ETAA1: variants seen among roughly 807,000 people sequenced by gnomAD.
ETAA1 encodes ewing's tumor-associated antigen 1.
Under a neutral mutation model 76.8 loss-of-function variants are expected in ETAA1, and 49 were observed. The observed-to-expected ratio is 0.64, with a 90% CI of 0.51 to 0.81. The LOEUF is 0.81. ETAA1 is among the 30% of genes least tolerant of loss of function. The probability of loss-of-function intolerance (pLI) is 0.00; values close to 1 mark genes in which losing one functional copy is unlikely to be tolerated. For missense variants in ETAA1, 1,099 were observed against 1,074.0 expected (o/e 1.02, Z -0.32); for synonymous variants, 373 against 372.2 (o/e 1.00, Z -0.03).
In ETAA1 at chr2:67,403,503, T is replaced by G. The variant is rs1676114387; in HGVS notation, c.821T>G (p.Phe274Cys). The G allele has an allele frequency of 9.3e-6, 15 of 1,613,360 alleles. No homozygotes were observed. The highest frequency in any genetic ancestry group is 1.3e-5 in the Non-Finnish European group (15 of 1,179,494). ...ANNQNSSQKP[F>C]DQIAEAAFNA... ...AATCAAAATAGCAGTCAGAAGCCATTTGACCAAATTGCTGAAGCAGCCTTT... is the reference window on the plus strand; with the variant it reads ...AATCAAAATAGCAGTCAGAAGCCATGTGACCAAATTGCTGAAGCAGCCTTT... Residue 274 changes from phenylalanine to cysteine, a missense_variant, in exon 5 of 6, where the codon TTT becomes TGT. Transcript: ENST00000272342.
rs751604679 is a variant in ETAA1 at position 67,405,168 on chromosome 2, C to G, written c.2486C>G (p.Ser829Cys). 4.3e-6 allele frequency: 7 copies of G among 1,612,138 alleles called. No individual in the cohort carries two copies. The African/African-American group carries it at 9.4e-5, about 22-fold the overall frequency. Residue 829 changes from serine (S) to cysteine (C), a missense_variant, in exon 5 of 6, where the codon TCT becomes TGT. By Grantham distance (112) the Ser-to-Cys change is moderately radical. Transcript: ENST00000272342. The stretch of plus-strand genomic sequence containing the variant: ...TTTACATTTACAAGGATGAAAAATT[C>G]TCAGATTCTTTCTCAGTTTAATCAA... ...SKFTFTRMKNSQILSQFNQNC... is the reference protein window; with the variant it reads ...SKFTFTRMKNCQILSQFNQNC...
chr2:67,405,208 A>C lies in ETAA1; in HGVS notation c.2526A>C (p.Gly842=). Residue 842 remains glycine, a synonymous_variant, in exon 5 of 6, where the codon GGA becomes GGC. Transcript: ENST00000272342. ...LSQFNQNCIT[G]SMSDTKITQG... ...AGTTTAATCAAAATTGTATAACTGGAAGTATGTCTGATACCAAAATTACAC... is the reference window on the plus strand; with the variant it reads ...AGTTTAATCAAAATTGTATAACTGGCAGTATGTCTGATACCAAAATTACAC... The C allele has an allele frequency of 6.2e-7, 1 of 1,612,640 alleles. No individual in the cohort carries two copies. The highest frequency in any genetic ancestry group is 1.1e-5 in the South Asian group (1 of 90,992).
At position 67,397,369 on chromosome 2, in the gene ETAA1, C is replaced by A. The variant is rs1675899952; in HGVS notation, c.-80C>A. On this transcript the variant is annotated 5_prime_UTR_variant, in exon 1 of 6. It introduces an in-frame stop codon into an upstream open reading frame of the 5' UTR. Coordinates refer to ENST00000272342, the MANE Select transcript of ETAA1 (RefSeq NM_019002.4). ...TGGCGGCTGCCGTTGGTGCGGGGTGCGGTTTGTAGTGCTGTTGCCCTACTC... is the reference window on the plus strand; with the variant it reads ...TGGCGGCTGCCGTTGGTGCGGGGTGAGGTTTGTAGTGCTGTTGCCCTACTC... 2 of 1,406,628 alleles carry A rather than the reference C, an allele frequency of 1.4e-6. No homozygotes were observed. Among genetic ancestry groups the A allele is most frequent in the Non-Finnish European group, 2.0e-6 (2 of 1,017,720 alleles). The allele number at this position is 1,406,628 out of a possible 1,614,324, so 87.1% of individuals were successfully genotyped here.
In ETAA1 at chr2:67,403,486, T is replaced by C; in HGVS notation, c.804T>C (p.Asn268=). Residue 268 remains asparagine, a synonymous_variant, in exon 5 of 6, where the codon AAT becomes AAC. Transcript: ENST00000272342. ...NTKISVANNQ[N]SSQKPFDQIA... is the part of the protein sequence containing the mutation. ...AGATATCTGTGGCAAATAATCAAAA[T>C]AGCAGTCAGAAGCCATTTGACCAAA... 6.2e-7 allele frequency: 1 copy of C among 1,613,440 alleles called. No individual in the cohort carries two copies. The highest frequency in any genetic ancestry group is 8.5e-7 in the Non-Finnish European group (1 of 1,179,466).
chr2:67,404,891 A>G lies in ETAA1; in HGVS notation c.2209A>G (p.Thr737Ala). The change falls in exon 5 of 6, where the codon ACT becomes GCT. Residue 737 changes from threonine (T) to alanine (A), a missense_variant. Transcript: ENST00000272342. ...AAGATTTTTAGGTGCCACAAATTTG[A>G]CTATGTATTCTAAGATCTCAAACTG... is the stretch of plus-strand genomic sequence containing the variant. ...SPRFLGATNL[T>A]MYSKISNCQI... 1.2e-6 allele frequency: 2 copies of G among 1,613,010 alleles called. No individual in the cohort carries two copies. The highest frequency in any genetic ancestry group is 1.7e-6 in the Non-Finnish European group (2 of 1,179,340).
chr2:67,399,965 G>A (rs1676007337), intron 3 of ETAA1, among the ~76,000 whole-genome samples: 1 of 152,108 alleles, frequency 6.6e-6, no homozygotes, highest in African/African-American at 2.4e-5. Context: ...AGTGAAAAAA[G>A]TTTATACTTC....
chr2:67,397,411 TGAAA>T lies in ETAA1; in HGVS notation c.-34_-31del. 6.4e-7 allele frequency: 1 copy of T among 1,555,740 alleles called. No homozygotes were observed. Among genetic ancestry groups the T allele is most frequent in the Non-Finnish European group, 8.7e-7 (1 of 1,147,844 alleles). The stretch of plus-strand genomic sequence containing the variant: ...GCCCTACTCATCCCTTTGCAAAATG[TGAAA>T]GAAGAAGCGGCTGGTGGAGGCGGGC... On this transcript the variant is annotated 5_prime_UTR_variant, in exon 1 of 6. Coordinates refer to ENST00000272342, the MANE Select transcript of ETAA1 (RefSeq NM_019002.4).
intron 5 of ETAA1, among the ~76,000 whole-genome samples, chr2:67,406,343 G>A (rs114419206): frequency 0.011 from 1,691 of 152,090 alleles, 33 homozygotes; most frequent in African/African-American, 0.039. Flanking sequence ...CTCTTTTGTT[G>A]GTGCTTTCTT....
chr2:67,407,053 G>C (rs1676240782), intron 5 of ETAA1, among the ~76,000 whole-genome samples: 1 of 152,010 alleles, frequency 6.6e-6, no homozygotes, highest in Non-Finnish European at 1.5e-5. Context: ...TGCTACAAGA[G>C]GAAGTTTTAA....
At chr2:67,398,020 G>T (rs1349163454) in intron 1 of ETAA1, among the ~76,000 whole-genome samples, 1 of 152,128 alleles carries the variant, frequency 6.6e-6, no homozygotes, top group Non-Finnish European at 1.5e-5. Context: ...CTCAGTTTTT[G>T]CCCGGAGAAG....
rs1401367964 is a variant in ETAA1, at chr2:67,405,229, T to C, written c.2547T>C (p.Ile849=). The C allele has an allele frequency of 6.2e-7, 1 of 1,612,306 alleles. No homozygotes were observed. Among genetic ancestry groups the C allele is most frequent in the African/African-American group, 1.3e-5 (1 of 74,824 alleles). Residue 849 remains isoleucine, a synonymous_variant, in exon 5 of 6, where the codon ATT becomes ATC. Transcript: ENST00000272342. ...CITGSMSDTK[I]TQGVEKKKGV... ...CTGGAAGTATGTCTGATACCAAAAT[T>C]ACACAGGGTGTGGAGAAAAAGAAAG... is the stretch of plus-strand genomic sequence containing the variant.
intron 1 of ETAA1, 82 bp downstream of exon 1, chr2:67,397,753 G>C: frequency 7.3e-7 from 1 of 1,368,898 alleles, no homozygotes; most frequent in Non-Finnish European, 1.0e-6. Context: ...ATCTGGGGTG[G>C]GGGTGGAGTC....
rs140962947 is a variant in ETAA1 at position 67,410,777 on chromosome 2, T to C, written c.*739T>C. 8.6e-4 allele frequency: 131 copies of C among 152,176 alleles called. 1 individual carries two copies. Among genetic ancestry groups the C allele is most frequent in the African/African-American group, 3.1e-3 (127 of 41,568 alleles). 9.4% of individuals were successfully genotyped at this position (152,176 alleles called of 1,614,324 possible). On this transcript the variant is annotated 3_prime_UTR_variant, in exon 6 of 6. Coordinates refer to ENST00000272342, the MANE Select transcript of ETAA1 (RefSeq NM_019002.4). The stretch of plus-strand genomic sequence containing the variant: ...TTATTGTATCGGTGAGAAAAAGTAA[T>C]ACTGTTTTCAAAGTCATAGGCAAGT...
Position 67,403,374 on chromosome 2 carries a change from A to T in ETAA1, c.692A>T (p.Tyr231Phe). 2 of 1,603,856 alleles carry T rather than the reference A, an allele frequency of 1.2e-6. No homozygotes were observed. The highest frequency in any genetic ancestry group is 1.1e-5 in the South Asian group (1 of 90,528). ...TCAGAAACAGAGATTTTAAGTAATT[A>T]TAAAGATAATATACAGATGTGGTCA... Reference protein sequence around the residue: ...MISETEILSNYKDNIQMWSLH... With the variant: ...MISETEILSNFKDNIQMWSLH... The change falls in exon 5 of 6, where the codon TAT becomes TTT. Residue 231 changes from tyrosine (Y) to phenylalanine (F), a missense_variant. Around this residue, in one of 3 missense-constraint regions of ETAA1, gnomAD observed 761 missense variants for 731.9 expected, o/e 1.04. Coordinates refer to ENST00000272342, the MANE Select transcript of ETAA1 (RefSeq NM_019002.4).
chr2:67,404,479 C>T lies in ETAA1; in HGVS notation c.1797C>T (p.Thr599=), dbSNP rs146826646. The change falls in exon 5 of 6, where the codon ACC becomes ACT. Residue 599 remains threonine (T), a synonymous_variant. Coordinates refer to ENST00000272342, the MANE Select transcript of ETAA1 (RefSeq NM_019002.4). ...AAGCATGTCATCAATTAGATAATAC[C>T]TGGGAAGCAGATGATGTAGATGATG... ...IIKACHQLDN[T]WEADDVDDDL... The T allele has an allele frequency of 5.8e-5, 94 of 1,613,178 alleles. No homozygotes were observed. In the African/African-American group the frequency reaches 1.2e-3, roughly 20 times the overall value.
In ETAA1 at chr2:67,410,320, A is replaced by G. The variant is rs978711600; in HGVS notation, c.*282A>G. ...AGTAGTTATATTTTTAAATGCTATTATTGCAGAGGATCATCAAAAAAGAGG... is the reference window on the plus strand; with the variant it reads ...AGTAGTTATATTTTTAAATGCTATTGTTGCAGAGGATCATCAAAAAAGAGG... On this transcript the variant is annotated 3_prime_UTR_variant, in exon 6 of 6. Coordinates refer to ENST00000272342, the MANE Select transcript of ETAA1 (RefSeq NM_019002.4). The G allele has an allele frequency of 8.3e-6, 2 of 239,530 alleles. No individual in the cohort carries two copies. Among genetic ancestry groups the G allele is most frequent in the African/African-American group, 2.3e-5 (1 of 43,660 alleles). 14.8% of individuals were successfully genotyped at this position (239,530 alleles called of 1,614,324 possible).
chr2:67,404,471 G>A lies in ETAA1; in HGVS notation c.1789G>A (p.Asp597Asn), dbSNP rs765295428. ...AATTATTAAAGCATGTCATCAATTAGATAATACCTGGGAAGCAGATGATGT... is the reference window on the plus strand; with the variant it reads ...AATTATTAAAGCATGTCATCAATTAAATAATACCTGGGAAGCAGATGATGT... ...NEIIKACHQL[D>N]NTWEADDVDD... The change falls in exon 5 of 6, where the codon GAT becomes AAT. Residue 597 changes from aspartate (D) to asparagine (N), a missense_variant. By Grantham distance (23) the Asp-to-Asn change is conservative. Transcript: ENST00000272342. 3.8e-5 allele frequency: 62 copies of A among 1,613,096 alleles called. No homozygotes were observed. Among genetic ancestry groups the A allele is most frequent in the Non-Finnish European group, 1.4e-5 (17 of 1,179,520 alleles).
At chr2:67,405,822 G>A (rs1273794726) in intron 5 of ETAA1, among the ~76,000 whole-genome samples, 1 of 151,972 alleles carries the variant, frequency 6.6e-6, no homozygotes, top group Non-Finnish European at 1.5e-5. Flanking sequence ...AGCGGTGATG[G>A]TTAAAATTAT....
chr2:67,405,006 G>A lies in ETAA1; in HGVS notation c.2324G>A (p.Ser775Asn), dbSNP rs767121192. The A allele has an allele frequency of 1.2e-6, 2 of 1,611,924 alleles. No homozygotes were observed. The highest frequency in any genetic ancestry group is 1.7e-5 in the Admixed American group (1 of 59,732). Residue 775 changes from serine to asparagine, a missense_variant, in exon 5 of 6, where the codon AGT (serine) becomes AAT (asparagine). Ser to Asn is a conservative substitution (Grantham distance 46). Around this residue, in one of 3 missense-constraint regions of ETAA1, gnomAD observed 302 missense variants for 278.1 expected, o/e 1.09. Coordinates refer to ENST00000272342, the MANE Select transcript of ETAA1 (RefSeq NM_019002.4). ...AAATTGGTTCTTCCAGGAAGTTCAA[G>A]TTTGAATGTAACTTCAGATCATATG... The part of the protein sequence containing the change: ...SSKLVLPGSS[S>N]LNVTSDHMNT...
Sources: allele counts gnomAD v4.1 joint callset (sites outside exome capture counted in the v4.1 genomes callset), GRCh38; gene constraint gnomAD v4.1.1; regional missense constraint gnomAD v4.1.1; transcripts MANE v1.5; gene names NCBI Gene and HGNC (gene_info 2026-07-23, HGNC 2026-07-21).